The following SPECC1 variants were observed in gnomAD, a reference collection of about 807,000 sequenced individuals.
The protein encoded by SPECC1 is sperm antigen with calponin homology and coiled-coil domains 1.
SPECC1 carries 62 observed loss-of-function variants against 104.1 expected under a neutral mutation model. The ratio of observed to expected loss-of-function variants is 0.60; its 90% CI spans 0.49 to 0.74. SPECC1 has a LOEUF of 0.74. SPECC1 is among the 30% of genes least tolerant of loss of function. The pLI is 0.00. For synonymous variants in SPECC1, 513 were observed against 501.6 expected (o/e 1.02, Z -0.30); for missense variants, 1,306 against 1,310.5 (o/e 1.00, Z 0.05).
intron 1 of SPECC1, chr17:20,017,172 C>G (rs989338043): frequency 1.3e-5 from 2 of 152,338 alleles, no homozygotes; most frequent in African/African-American, 4.8e-5. Context: ...GCATTCCGCG[C>G]TGCTGAAGGT....
intron 3 of SPECC1, among the ~76,000 whole-genome samples, chr17:20,139,583 C>T (rs2030493960): frequency 6.6e-6 from 1 of 152,192 alleles, no homozygotes; most frequent in African/African-American, 2.4e-5. Flanking sequence ...ATTTCTCAGT[C>T]CTCCAGATAC....
intron 12 of SPECC1, among the ~76,000 whole-genome samples, chr17:20,262,293 T>C (rs1376106312): frequency 3.3e-5 from 5 of 152,248 alleles, no homozygotes; most frequent in Admixed American, 3.3e-4. Context: ...GAAAAACATA[T>C]GTGCTCATTC....
chr17:20,294,900 T>C (rs986230534), intron 12 of SPECC1, among the ~76,000 whole-genome samples: 1 of 152,204 alleles, frequency 6.6e-6, no homozygotes, highest in African/African-American at 2.4e-5. Flanking sequence ...ATTCTGTGAA[T>C]GGATTTGGGC....
At position 20,055,529 on chromosome 17, in the gene SPECC1, C is replaced by T. The variant is rs377020395; in HGVS notation, c.-21-41102C>T. Reference sequence around the variant, plus strand: ...TCATCCTGACAATGTGCGTTCTGTTCATTTTAAGTCTCTAGCAACTAATGG... The same window carrying T: ...TCATCCTGACAATGTGCGTTCTGTTTATTTTAAGTCTCTAGCAACTAATGG... On this transcript the variant is annotated intron_variant, in intron 1 of 14. Transcript: ENST00000395527. Among the ~76,000 whole-genome samples the T allele has an allele frequency of 6.6e-5, 10 of 152,302 alleles. No individual in the cohort carries two copies. The South Asian group carries it at 1.0e-3, about 16-fold the overall frequency.
At chr17:20,155,828 C>G (rs892484837) in intron 3 of SPECC1, 32 of 796,880 alleles carry the variant, frequency 4.0e-5, no homozygotes, top group Middle Eastern at 5.4e-4. Flanking sequence ...CCGGTGCGTC[C>G]CGCCCACGGC....
intron 7 of SPECC1, among the ~76,000 whole-genome samples, chr17:20,243,075 G>A (rs1169705061): frequency 6.6e-6 from 1 of 152,156 alleles, no homozygotes; most frequent in Non-Finnish European, 1.5e-5. Flanking sequence ...GAGACTTCTG[G>A]AGAGTTGGTG....
rs1351028388 is a variant in SPECC1, at chr17:20,306,291, A to C, written c.3117+209A>C. 7.9e-6 allele frequency: 4 copies of C among 505,270 alleles called. No individual in the cohort carries two copies. The East Asian group carries it at 1.3e-4, about 16-fold the overall frequency. The allele number at this position is 505,270 out of a possible 1,614,324, so 31.3% of individuals were successfully genotyped here. A position where few individuals can be genotyped will look rare whatever the true frequency, so the allele number is the denominator to read the frequency against. On this transcript the variant is annotated intron_variant, in intron 14 of 14. Coordinates refer to ENST00000395527, the MANE Select transcript of SPECC1 (RefSeq NM_001243439.2). ...CAATCGCATAAGATTTCATATGGACAAATTTCAGTTCTGGAAACACAGTGG... is the reference window on the plus strand; with the variant it reads ...CAATCGCATAAGATTTCATATGGACCAATTTCAGTTCTGGAAACACAGTGG...
intron 12 of SPECC1, among the ~76,000 whole-genome samples, chr17:20,266,881 A>C (rs569661652): frequency 1.3e-5 from 2 of 152,152 alleles, no homozygotes; most frequent in African/African-American, 4.8e-5. Flanking sequence ...TTTATTTCCC[A>C]CCAAGGCCTA....
At chr17:20,073,068 G>T (rs760191625) in intron 1 of SPECC1, among the ~76,000 whole-genome samples, 3 of 152,024 alleles carry the variant, frequency 2.0e-5, no homozygotes, top group Non-Finnish European at 4.4e-5. Flanking sequence ...AGTATGAAAA[G>T]ATTTATTTAG....
intron 3 of SPECC1, among the ~76,000 whole-genome samples, chr17:20,201,125 A>G (rs561952174): frequency 5.3e-5 from 8 of 152,172 alleles, no homozygotes; most frequent in African/African-American, 1.9e-4. Context: ...GTTCTATATT[A>G]ATTTTTCCAG....
rs145618787 is a variant in SPECC1, at chr17:20,043,181, G to A, written c.-22+33757G>A. On this transcript the variant is annotated intron_variant, in intron 1 of 14. Coordinates refer to ENST00000395527, the MANE Select transcript of SPECC1 (RefSeq NM_001243439.2). ...CTTCAAACAGTTTTGGCGAGAAGCT[G>A]TGTGGGCGATGCTGTGTAGCTCCCA... Among the ~76,000 whole-genome samples, 6 of 152,306 alleles carry A rather than the reference G, an allele frequency of 3.9e-5. No individual in the cohort carries two copies. The East Asian group carries it at 1.2e-3, about 29-fold the overall frequency.
At chr17:20,225,222 C>T (rs1042838086) in intron 4 of SPECC1, among the ~76,000 whole-genome samples, 1 of 152,146 alleles carries the variant, frequency 6.6e-6, no homozygotes, top group Admixed American at 6.5e-5. Flanking sequence ...GCTGTGCTGC[C>T]TGGGGTTGGG....
At chr17:20,049,282 T>C (rs2045653824) in intron 1 of SPECC1, among the ~76,000 whole-genome samples, 1 of 152,200 alleles carries the variant, frequency 6.6e-6, no homozygotes, top group East Asian at 1.9e-4. Context: ...ATTTGAAAGT[T>C]TTATTTTGCA....
intron 5 of SPECC1, among the ~76,000 whole-genome samples, chr17:20,228,756 G>C (rs2038390174): frequency 6.6e-6 from 1 of 152,186 alleles, no homozygotes; most frequent in Non-Finnish European, 1.5e-5. Flanking sequence ...CTCATAGTTT[G>C]CTTTGAATTG....
intron 12 of SPECC1, among the ~76,000 whole-genome samples, chr17:20,261,768 G>A (rs2040034141): frequency 6.6e-6 from 1 of 152,204 alleles, no homozygotes. Context: ...AATACCTGAT[G>A]TAAGTTTAAG....
At chr17:20,254,339 A>G (rs1419090785) in intron 10 of SPECC1, among the ~76,000 whole-genome samples, 1 of 152,090 alleles carries the variant, frequency 6.6e-6, no homozygotes, top group East Asian at 1.9e-4. Flanking sequence ...GAGTCTCAGT[A>G]CTGCTGCTCA....
In SPECC1 at chr17:20,251,224, C is replaced by CAAA. The variant is rs58071050; in HGVS notation, c.2599-2266_2599-2264dup. On this transcript the variant is annotated intron_variant, in intron 9 of 14. Coordinates refer to ENST00000395527, the MANE Select transcript of SPECC1 (RefSeq NM_001243439.2). ...TGGGCGACAGAGTAAGACTCTATCT[C>CAAA]AAAAAAAAAAAAAAAAAGCATATGG... Among the ~76,000 whole-genome samples the CAAA allele has an allele frequency of 3.9e-4, 20 of 51,026 alleles. 4 individuals carry two copies. The East Asian group carries it at 8.1e-3, about 21-fold the overall frequency. 33.5% of individuals were successfully genotyped at this position (51,026 alleles called of 152,430 possible). A position where few individuals can be genotyped will look rare whatever the true frequency, so the allele number is the denominator to read the frequency against.
intron 4 of SPECC1, among the ~76,000 whole-genome samples, chr17:20,223,672 CAAA>C (rs761885154): frequency 1.5e-5 from 2 of 131,462 alleles, no homozygotes; most frequent in Non-Finnish European, 3.3e-5. Context: ...GACTTTGTCT[CAAA>C]AAAAAAAAAA....
chr17:20,240,897 C>T (rs2039172260), intron 7 of SPECC1, among the ~76,000 whole-genome samples: 2 of 152,200 alleles, frequency 1.3e-5, no homozygotes, highest in Admixed American at 1.3e-4. Flanking sequence ...AAACGCCAGT[C>T]CTCTCTTGAG....
Sources: gnomAD v4.1 joint callset for allele counts (sites outside exome capture counted in the v4.1 genomes callset) on GRCh38, gnomAD v4.1.1 for gene constraint, MANE v1.5 for transcripts, NCBI Gene and HGNC (gene_info 2026-07-23, HGNC 2026-07-21) for gene names.